C9orf85: variants seen among roughly 807,000 people sequenced by gnomAD.
The protein encoded by C9orf85 is uncharacterized protein C9orf85.
Under a neutral mutation model 14.9 loss-of-function variants are expected in C9orf85, and 16 were observed. The observed-to-expected ratio is 1.08, with a 90% CI of 0.73 to 1.63. C9orf85 has a LOEUF of 1.63. Ranked by LOEUF, C9orf85 falls within the 40% of genes most tolerant of loss-of-function variation. The pLI is 0.00. For synonymous variants in C9orf85, 45 were observed against 56.8 expected, an observed-to-expected ratio of 0.79 and a Z score of 0.93; for missense variants, 172 against 186.1, an observed-to-expected ratio of 0.92 and a Z score of 0.44.
At chr9:71,972,059 A>T (rs963584457) in intron 3 of C9orf85, among the ~76,000 whole-genome samples, 1 of 152,018 alleles carries the variant, frequency 6.6e-6, no homozygotes, top group African/African-American at 2.4e-5. Context: ...TAGACTTTTA[A>T]AATTATTTTT....
intron 2 of C9orf85, among the ~76,000 whole-genome samples, chr9:71,957,671 A>G (rs142367083): frequency 6.6e-5 from 10 of 152,334 alleles, no homozygotes; most frequent in African/African-American, 2.4e-4. Context: ...CCAGAATCCA[A>G]GCACAATTAA....
intron 1 of C9orf85, among the ~76,000 whole-genome samples, chr9:71,944,700 A>G (rs184262602): frequency 3.9e-5 from 6 of 152,092 alleles, no homozygotes; most frequent in Non-Finnish European, 7.4e-5. Context: ...TCTGGAATTC[A>G]CTTCTGTTTT....
chr9:71,937,423 C>T (rs1434094095), intron 1 of C9orf85, among the ~76,000 whole-genome samples: 1 of 152,100 alleles, frequency 6.6e-6, no homozygotes, highest in Non-Finnish European at 1.5e-5. Context: ...AAGAATGGTT[C>T]TCTGTTTGGG....
exon 4 of C9orf85, chr9:71,982,727 C>T: frequency 2.7e-6 from 1 of 366,938 alleles, no homozygotes; most frequent in South Asian, 2.1e-5. Context: ...CCTCCGCCTC[C>T]CTTGTTCAAG....
intron 2 of C9orf85, among the ~76,000 whole-genome samples, chr9:71,958,036 G>C (rs779413724): frequency 2.6e-5 from 4 of 151,918 alleles, no homozygotes; most frequent in Non-Finnish European, 5.9e-5. Flanking sequence ...GTTGAAACCA[G>C]AACAGTTAAG....
intron 3 of C9orf85, among the ~76,000 whole-genome samples, chr9:71,978,713 T>A (rs146889715): frequency 6.6e-6 from 1 of 152,224 alleles, no homozygotes; most frequent in East Asian, 1.9e-4. Flanking sequence ...GCTACACAGG[T>A]ACAGAAACAT....
intron 1 of C9orf85, among the ~76,000 whole-genome samples, chr9:71,932,474 T>C (rs148387456): frequency 2.2e-3 from 338 of 152,322 alleles, no homozygotes; most frequent in African/African-American, 7.8e-3. Context: ...TAGGGTCTTA[T>C]AGACACTAGA....
intron 1 of C9orf85, among the ~76,000 whole-genome samples, chr9:71,912,990 A>C (rs1049584602): frequency 1.3e-5 from 2 of 152,178 alleles, no homozygotes; most frequent in African/African-American, 4.8e-5. Context: ...ATTAGGGGCC[A>C]GCATCACTCA....
intron 2 of C9orf85, among the ~76,000 whole-genome samples, chr9:71,959,337 A>G (rs1822455823): frequency 6.6e-6 from 1 of 151,780 alleles, no homozygotes; most frequent in East Asian, 1.9e-4. Flanking sequence ...GGGTTTCTCC[A>G]TGTTGGTCAG....
chr9:71,962,806 A>G (rs1199937326), intron 2 of C9orf85, among the ~76,000 whole-genome samples: 4 of 152,188 alleles, frequency 2.6e-5, no homozygotes. Flanking sequence ...TTGTAATCCT[A>G]GCACTTTGGG....
chr9:71,985,956 T>A (rs533382893), downstream of C9orf85: 1 of 152,344 alleles, frequency 6.6e-6, no homozygotes, highest in East Asian at 1.9e-4. Context: ...CATTTGCAAC[T>A]TGTTAAATTT....
intron 1 of C9orf85, among the ~76,000 whole-genome samples, chr9:71,929,139 T>A (rs1397860382): frequency 6.6e-6 from 1 of 152,212 alleles, no homozygotes; most frequent in African/African-American, 2.4e-5. Flanking sequence ...CTGCCCCAAG[T>A]AAATGACTTA....
Position 71,973,350 on chromosome 9 carries a change from A to T in C9orf85, c.*508A>T, listed in dbSNP as rs1210142648. 6 of 152,216 alleles carry T rather than the reference A, an allele frequency of 3.9e-5. No individual in the cohort carries two copies. The highest frequency in any genetic ancestry group is 8.8e-5 in the Non-Finnish European group (6 of 68,034). 9.4% of individuals were successfully genotyped at this position (152,216 alleles called of 1,614,324 possible). A position where few individuals can be genotyped will look rare whatever the true frequency, so the allele number is the denominator to read the frequency against. On this transcript the variant is annotated 3_prime_UTR_variant, in exon 4 of 4. Coordinates refer to ENST00000334731, the MANE Select transcript of C9orf85 (RefSeq NM_182505.5). The stretch of plus-strand genomic sequence containing the variant: ...AAGATTCAGAATTGATGGTTGTATA[A>T]GAACTAGCTCATGTAAAAATAAAAT...
At chr9:71,975,621 TCGGGAGTTCGAGACCAGC>T (rs1232541269), downstream of C9orf85, among the ~76,000 whole-genome samples, 1 of 152,060 alleles carries the variant, frequency 6.6e-6, no homozygotes, top group Non-Finnish European at 1.5e-5. Flanking sequence ...TCACCTGAGG[TCGGGAGTTCGAGACCAGC>T]CTGACCAACA....
intron 2 of C9orf85, among the ~76,000 whole-genome samples, chr9:71,966,564 C>A (rs1388288798): frequency 6.6e-6 from 1 of 152,006 alleles, no homozygotes; most frequent in African/African-American, 2.4e-5. Context: ...CATAGATTAA[C>A]AAGGGAAAAG....
rs183949809 is a variant in C9orf85 at position 71,960,303 on chromosome 9, T to A, written c.210-11202T>A. 1.1e-4 allele frequency among the ~76,000 whole-genome samples: 17 copies of A among 152,348 alleles called. No individual in the cohort carries two copies. In the East Asian group the frequency reaches 2.3e-3, roughly 21 times the overall value. ...GGGCTGTCTTTATATGTCCTGTTTT[T>A]TTGTTCCACATAAATTATCATTTCT... is the stretch of plus-strand genomic sequence containing the variant. On this transcript the variant is annotated intron_variant, in intron 2 of 3. Transcript: ENST00000334731.
intron 1 of C9orf85, among the ~76,000 whole-genome samples, chr9:71,943,464 T>TA (rs1373005190): frequency 6.6e-6 from 1 of 152,184 alleles, no homozygotes; most frequent in African/African-American, 2.4e-5. Context: ...AGCATGTTGA[T>TA]ACAGATATAA....
chr9:71,929,182 T>C (rs1828010592), intron 1 of C9orf85, among the ~76,000 whole-genome samples: 1 of 152,222 alleles, frequency 6.6e-6, no homozygotes, highest in Admixed American at 6.5e-5. Context: ...CAAAATCATT[T>C]GGTTTGTGGA....
intron 1 of C9orf85, among the ~76,000 whole-genome samples, chr9:71,936,558 A>G (rs1031905910): frequency 1.3e-5 from 2 of 152,146 alleles, no homozygotes; most frequent in African/African-American, 2.4e-5. Flanking sequence ...TGCTGCAACA[A>G]TATAGCTATT....
Sources: allele counts gnomAD v4.1 joint callset (sites outside exome capture counted in the v4.1 genomes callset), GRCh38; gene constraint gnomAD v4.1.1; transcripts MANE v1.5; gene names NCBI Gene and HGNC (gene_info 2026-07-23, HGNC 2026-07-21).